The following LRP1B variants were observed in gnomAD, a reference collection of about 807,000 sequenced individuals.
LRP1B encodes the protein low-density lipoprotein receptor-related protein 1B.
In LRP1B, 217 loss-of-function variants were observed where a neutral mutation model predicts 556.6. The observed-to-expected ratio is 0.39, with a 90% CI of 0.35 to 0.44. LRP1B has a LOEUF of 0.44. Among genes scored for constraint, LRP1B ranks in the 20% least tolerant of loss-of-function variants. The pLI is 1.00. For synonymous variants in LRP1B, 2,047 were observed against 1,865.8 expected, an observed-to-expected ratio of 1.10 and a Z score of -2.50; for missense variants, 5,053 against 5,620.8, an observed-to-expected ratio of 0.90 and a Z score of 3.23.
intron 4 of LRP1B, among the ~76,000 whole-genome samples, chr2:141,250,156 C>T (rs1684208948): frequency 6.6e-6 from 1 of 152,198 alleles, no homozygotes; most frequent in South Asian, 2.1e-4. Flanking sequence ...TGGCACAGAG[C>T]TCCTAAAATA....
intron 15 of LRP1B, among the ~76,000 whole-genome samples, chr2:141,002,411 T>C (rs1020580292): frequency 1.8e-4 from 28 of 152,036 alleles, no homozygotes; most frequent in African/African-American, 6.8e-4. Flanking sequence ...CTCAGCAATA[T>C]ATACAGTCAT....
At chr2:140,371,090 C>G in intron 70 of LRP1B, 89 bp downstream of exon 70, 1 of 941,348 alleles carries the variant, frequency 1.1e-6, no homozygotes, top group Non-Finnish European at 1.5e-6. Context: ...TGCTAAGAAT[C>G]AAGATTCTTT....
At chr2:142,056,299 C>G (rs373618812) in intron 1 of LRP1B, among the ~76,000 whole-genome samples, 41 of 93,180 alleles carry the variant, frequency 4.4e-4, no homozygotes, top group African/African-American at 1.2e-3. Flanking sequence ...TGTAATAGGA[C>G]TGGAAAAAAG....
chr2:141,645,977 A>G (rs1689548531), intron 2 of LRP1B, among the ~76,000 whole-genome samples: 1 of 152,156 alleles, frequency 6.6e-6, no homozygotes, highest in Non-Finnish European at 1.5e-5. Context: ...TTTATAAGAG[A>G]CGCAACCCCA....
intron 2 of LRP1B, among the ~76,000 whole-genome samples, chr2:141,788,193 G>C (rs1695488218): frequency 6.6e-6 from 1 of 151,838 alleles, no homozygotes; most frequent in Non-Finnish European, 1.5e-5. Context: ...GCTTTTTGTT[G>C]CTTGCAACAA....
chr2:141,262,690 T>C (rs1684741270), intron 3 of LRP1B, among the ~76,000 whole-genome samples: 1 of 152,184 alleles, frequency 6.6e-6, no homozygotes, highest in Admixed American at 6.5e-5. Flanking sequence ...TGTTGAATTA[T>C]CTTTGTACCT....
intron 3 of LRP1B, among the ~76,000 whole-genome samples, chr2:141,374,993 T>A (rs550597779): frequency 9.8e-5 from 15 of 152,302 alleles, no homozygotes; most frequent in African/African-American, 3.6e-4. Flanking sequence ...GGTGTAGCAG[T>A]CATTTGTTCC....
At chr2:140,645,533 CTTTTTTTT>C (rs36082249) in intron 41 of LRP1B, among the ~76,000 whole-genome samples, 1 of 81,230 alleles carries the variant, frequency 1.2e-5, no homozygotes, top group Non-Finnish European at 2.2e-5. Context: ...TGCCAATATT[CTTTTTTTT>C]TTTTTTTTTT....
At chr2:141,613,509 T>C (rs1688183749) in intron 2 of LRP1B, among the ~76,000 whole-genome samples, 1 of 152,170 alleles carries the variant, frequency 6.6e-6, no homozygotes, top group African/African-American at 2.4e-5. Context: ...ATTTTGATAA[T>C]TCTGGACTCC....
chr2:140,803,873 C>T (rs1242344536), intron 32 of LRP1B, among the ~76,000 whole-genome samples: 3 of 144,094 alleles, frequency 2.1e-5, no homozygotes, highest in African/African-American at 5.2e-5. Flanking sequence ...CCCCACCCCC[C>T]CAACCCCCCC....
intron 1 of LRP1B, among the ~76,000 whole-genome samples, chr2:141,910,976 TC>T (rs1248745171): frequency 2.0e-5 from 3 of 152,086 alleles, no homozygotes; most frequent in Admixed American, 2.0e-4. Flanking sequence ...ATAAATTTGG[TC>T]AACTTTTATA....
chr2:141,055,802 ATG>A (rs10664722), intron 9 of LRP1B, among the ~76,000 whole-genome samples: 11,660 of 145,432 alleles, frequency 0.08, 492 homozygotes, highest in African/African-American at 0.11. Flanking sequence ...TTACCACAAA[ATG>A]TGTGTGTGTG....
intron 43 of LRP1B, among the ~76,000 whole-genome samples, chr2:140,568,526 T>C (rs547182863): frequency 3.3e-4 from 50 of 152,104 alleles, no homozygotes; most frequent in Non-Finnish European, 5.3e-4. Context: ...GTGGTAATTA[T>C]GAAGGAAAAG....
chr2:140,387,191 GC>G (rs1245706819), intron 66 of LRP1B, among the ~76,000 whole-genome samples: 1 of 152,150 alleles, frequency 6.6e-6, no homozygotes, highest in African/African-American at 2.4e-5. Context: ...TCTCAGACTA[GC>G]AAAACAAATT....
chr2:140,971,065 T>C (rs1024233980), intron 18 of LRP1B, among the ~76,000 whole-genome samples: 42 of 152,156 alleles, frequency 2.8e-4, no homozygotes, highest in African/African-American at 9.7e-4. Context: ...TGGTCGCTTA[T>C]TGAAACAATG....
chr2:141,544,307 C>CTTCTTCTTCTTCTTCTT lies in LRP1B; in HGVS notation c.206-63791_206-63775dup, dbSNP rs1685394979. 1.1e-3 allele frequency among the ~76,000 whole-genome samples: 15 copies of CTTCTTCTTCTTCTTCTT among 13,984 alleles called. No individual in the cohort carries two copies. In the South Asian group the frequency reaches 0.015, roughly 14 times the overall value. 9.2% of individuals were successfully genotyped at this position (13,984 alleles called of 152,430 possible). The stretch of plus-strand genomic sequence containing the variant: ...TAAGAAATTTACCACTCTTCTTCTT[C>CTTCTTCTTCTTCTTCTT]TTCTTCTTCTTCTTCTTCTTCTTCT... On this transcript the variant is annotated intron_variant, in intron 2 of 90. Coordinates refer to ENST00000389484, the MANE Select transcript of LRP1B (RefSeq NM_018557.3).
At chr2:142,108,174 C>G (rs181938668) in intron 1 of LRP1B, among the ~76,000 whole-genome samples, 73 of 151,472 alleles carry the variant, frequency 4.8e-4, no homozygotes, top group Admixed American at 2.2e-3. Context: ...TGAGATGACT[C>G]AAATATAAAA....
intron 3 of LRP1B, among the ~76,000 whole-genome samples, chr2:141,314,737 G>A (rs775271924): frequency 6.7e-5 from 10 of 149,632 alleles, no homozygotes; most frequent in Non-Finnish European, 1.3e-4. Flanking sequence ...TTTGCAGTGA[G>A]CCGAGATGGC....
intron 6 of LRP1B, among the ~76,000 whole-genome samples, chr2:141,202,107 T>TC (rs1471143484): frequency 6.6e-6 from 1 of 152,136 alleles, no homozygotes; most frequent in Admixed American, 6.5e-5. Flanking sequence ...CCTGATGCTC[T>TC]CCCCCACACC....
Sources: gnomAD v4.1 joint callset for allele counts (sites outside exome capture counted in the v4.1 genomes callset) on GRCh38, gnomAD v4.1.1 for gene constraint, MANE v1.5 for transcripts, NCBI Gene and HGNC (gene_info 2026-07-23, HGNC 2026-07-21) for gene names.